The following WIPI1 variants were observed in gnomAD, a reference collection of about 807,000 sequenced individuals.
WIPI1 encodes WD repeat domain phosphoinositide-interacting protein 1.
In WIPI1, 45 loss-of-function variants were observed where a neutral mutation model predicts 55.3. The ratio of observed to expected loss-of-function variants is 0.81; its 90% CI spans 0.64 to 1.04. WIPI1 has a LOEUF of 1.04. Ranked by LOEUF, WIPI1 falls within the 50% of genes least tolerant of loss-of-function variation. WIPI1 has a pLI of 0.00. For synonymous variants in WIPI1, 195 were observed against 217.6 expected (o/e 0.90, Z 0.92); for missense variants, 445 against 559.0 (o/e 0.80, Z 2.06).
chr17:68,434,066 G>T lies in WIPI1; in HGVS notation c.692+490C>A, dbSNP rs113494773. On this transcript the variant is annotated intron_variant, in intron 7 of 12. Coordinates refer to ENST00000262139, the MANE Select transcript of WIPI1 (RefSeq NM_017983.7). ...ATTACAGACGTGAGCCACCGCGCCCGGCCCATAGTCTTATTTATGTGAGAA... is the reference window on the plus strand; with the variant it reads ...ATTACAGACGTGAGCCACCGCGCCCTGCCCATAGTCTTATTTATGTGAGAA... Among the ~76,000 whole-genome samples the T allele has an allele frequency of 6.6e-5, 10 of 152,068 alleles. No individual in the cohort carries two copies. In the East Asian group the frequency reaches 1.9e-3, roughly 29 times the overall value.
Position 68,423,827 on chromosome 17 carries a change from AC to A in WIPI1, c.1294-2008del, listed in dbSNP as rs1195251346. Among the ~76,000 whole-genome samples, 1 of 152,248 alleles carries A rather than the reference AC, an allele frequency of 6.6e-6. No individual in the cohort carries two copies. The highest frequency in any genetic ancestry group is 2.4e-5 in the African/African-American group (1 of 41,466). On this transcript the variant is annotated intron_variant, in intron 12 of 12. Coordinates refer to ENST00000262139, the MANE Select transcript of WIPI1 (RefSeq NM_017983.7). The surrounding 1 kb of genome is among the most constrained non-coding windows in gnomAD (Gnocchi z 4.4). Reference sequence around the variant, plus strand: ...AACTACCTCCTAGATACTAATATCCACATTACCCCAATTCTGTAACTATAAG... The same window carrying A: ...AACTACCTCCTAGATACTAATATCCAATTACCCCAATTCTGTAACTATAAG...
intron 8 of WIPI1, among the ~76,000 whole-genome samples, chr17:68,431,460 G>A (rs1436738049): frequency 2.0e-5 from 3 of 152,070 alleles, no homozygotes; most frequent in African/African-American, 7.2e-5. Flanking sequence ...GTGGCTGCTG[G>A]GCTCTGCAGC....
intron 8 of WIPI1, 101 bp from the exon 9 acceptor site, chr17:68,430,261 A>C: frequency 8.3e-7 from 1 of 1,208,676 alleles, no homozygotes; most frequent in Non-Finnish European, 1.2e-6. Context: ...TCCCCGCAGC[A>C]GGGAGAGACT....
At position 68,442,833 on chromosome 17, in the gene WIPI1, TCAGA is replaced by T. The variant is rs562110903; in HGVS notation, c.430+1656_430+1659del. Among the ~76,000 whole-genome samples the T allele has an allele frequency of 7.9e-4, 120 of 152,278 alleles. 1 individual carries two copies. The Middle Eastern group carries it at 0.024, about 30-fold the overall frequency. ...GCTGGCGCACCTGTCTCAGACCACC[TCAGA>T]CAGACTGTTGAAGGGAACTCGTGAC... On this transcript the variant is annotated intron_variant, in intron 4 of 12. Coordinates refer to ENST00000262139, the MANE Select transcript of WIPI1 (RefSeq NM_017983.7).
chr17:68,439,002 G>A (rs551050028), intron 4 of WIPI1, among the ~76,000 whole-genome samples: 11 of 152,336 alleles, frequency 7.2e-5, no homozygotes, highest in African/African-American at 2.2e-4. Flanking sequence ...ATGTTGGTGA[G>A]GATATGGAGA....
intron 4 of WIPI1, 149 bp downstream of exon 4, chr17:68,444,344 G>C: frequency 1.5e-6 from 1 of 687,050 alleles, no homozygotes; most frequent in Admixed American, 2.9e-5. Flanking sequence ...TGAATCTGCC[G>C]CCATTAAGAC....
Position 68,452,278 on chromosome 17 carries a change from C to T in WIPI1, c.163+632G>A, listed in dbSNP as rs1280019542. Among the ~76,000 whole-genome samples, 3 of 152,160 alleles carry T rather than the reference C, an allele frequency of 2.0e-5. No individual in the cohort carries two copies. The East Asian group carries it at 5.8e-4, about 29-fold the overall frequency. ...CCAATATAATGGCAAAAATAAGTCA[C>T]AGGTGGCTGGGTGAGGTGGCTCACG... On this transcript the variant is annotated intron_variant, in intron 2 of 12. Coordinates refer to ENST00000262139, the MANE Select transcript of WIPI1 (RefSeq NM_017983.7).
intron 10 of WIPI1, 32 bp downstream of exon 10, chr17:68,428,797 A>G (rs760804233): frequency 9.0e-6 from 14 of 1,554,540 alleles, no homozygotes; most frequent in Non-Finnish European, 1.2e-5. Flanking sequence ...CCAGCTCTCG[A>G]AAGGCTGTCT....
chr17:68,451,029 CTGAGCT>C, intron 2 of WIPI1, 132 bp from the exon 3 acceptor site: 1 of 1,288,418 alleles, frequency 7.8e-7, no homozygotes, highest in Non-Finnish European at 1.0e-6. Context: ...GGCGCCCTCT[CTGAGCT>C]TGCATTGACA....
chr17:68,434,501 G>T, intron 7 of WIPI1, 55 bp downstream of exon 7: 1 of 1,594,904 alleles, frequency 6.3e-7, no homozygotes, highest in South Asian at 1.1e-5. Flanking sequence ...GCTGCCAGCG[G>T]TCCCTGCGGG....
intron 3 of WIPI1, among the ~76,000 whole-genome samples, chr17:68,445,524 C>A (rs1408184429): frequency 6.6e-6 from 1 of 152,210 alleles, no homozygotes; most frequent in Non-Finnish European, 1.5e-5. Flanking sequence ...TTGAACACCC[C>A]AGTGCCCCAC....
At chr17:68,447,025 C>T (rs1434370219) in intron 3 of WIPI1, among the ~76,000 whole-genome samples, 1 of 152,198 alleles carries the variant, frequency 6.6e-6, no homozygotes, top group Non-Finnish European at 1.5e-5. Flanking sequence ...TTTCAGCCCC[C>T]GCAGAACCAT....
chr17:68,448,717 C>A lies in WIPI1; in HGVS notation c.333+2011G>T, dbSNP rs115165936. ...ACAATCTTAAAAAGATCATCAGGTG[C>A]CAAAAACAGACATTTAACCTTGTAT... On this transcript the variant is annotated intron_variant, in intron 3 of 12. Transcript: ENST00000262139. Among the ~76,000 whole-genome samples, 250 of 152,150 alleles carry A rather than the reference C, an allele frequency of 1.6e-3. 3 individuals are homozygous for A. The highest frequency in any genetic ancestry group is 5.8e-3 in the African/African-American group (242 of 41,504).
chr17:68,444,399 G>T, intron 4 of WIPI1, 94 bp downstream of exon 4: 1 of 1,144,366 alleles, frequency 8.7e-7, no homozygotes. Flanking sequence ...AGCAAACACT[G>T]CTTCACGTTC....
In WIPI1 at chr17:68,421,832, A is replaced by G. The variant is rs938892205; in HGVS notation, c.1294-12T>C. 6.8e-6 allele frequency: 11 copies of G among 1,614,092 alleles called. No homozygotes were observed. Among genetic ancestry groups the G allele is most frequent in the Non-Finnish European group, 9.3e-6 (11 of 1,180,036 alleles). On this transcript the variant is annotated splice_polypyrimidine_tract_variant and intron_variant, in intron 12 of 12. Coordinates refer to ENST00000262139, the MANE Select transcript of WIPI1 (RefSeq NM_017983.7). ...CGGCACAAGATTATCTACCAAAATCAAAACAGAATGGCCTTACTCTTCTCA... is the reference window on the plus strand; with the variant it reads ...CGGCACAAGATTATCTACCAAAATCGAAACAGAATGGCCTTACTCTTCTCA...
Position 68,429,923 on chromosome 17 carries a change from G to A in WIPI1, c.965+73C>T, listed in dbSNP as rs187176974. ...TTTTCTTTTTTTCTTTTCAGGTTTG[G>A]GGATTTTTGTGCTTTGGAAAAATAC... On this transcript the variant is annotated intron_variant, in intron 9 of 12. Coordinates refer to ENST00000262139, the MANE Select transcript of WIPI1 (RefSeq NM_017983.7). 2.9e-4 allele frequency: 470 copies of A among 1,598,348 alleles called. 2 individuals carry two copies. The African/African-American group carries it at 5.7e-3, about 19-fold the overall frequency.
At chr17:68,435,802 C>A (rs2083756962) in intron 5 of WIPI1, 90 bp from the exon 6 acceptor site, 15 of 1,171,826 alleles carry the variant, frequency 1.3e-5, no homozygotes, top group Non-Finnish European at 1.6e-5. Flanking sequence ...CTCCTTTCTC[C>A]CTCCTTTGTC....
chr17:68,438,785 G>C (rs113759284), intron 4 of WIPI1, among the ~76,000 whole-genome samples: 16,519 of 152,154 alleles, frequency 0.11, 986 homozygotes, highest in South Asian at 0.23. Flanking sequence ...ATTTTCAGTA[G>C]AGACAGGGTT....
intron 4 of WIPI1, among the ~76,000 whole-genome samples, chr17:68,443,902 A>G (rs1040152930): frequency 6.6e-6 from 1 of 152,206 alleles, no homozygotes; most frequent in African/African-American, 2.4e-5. Flanking sequence ...GAATTCATAT[A>G]ATGTCATCTG....
Sources: allele counts gnomAD v4.1 joint callset (sites outside exome capture counted in the v4.1 genomes callset), GRCh38; gene constraint gnomAD v4.1.1; non-coding constraint Gnocchi (gnomAD v3.1); transcripts MANE v1.5; gene names NCBI Gene and HGNC (gene_info 2026-07-23, HGNC 2026-07-21).